Variants in PLCB1 observed in about 807,000 individuals in gnomAD.
The protein encoded by PLCB1 is phospholipase C beta 1.
Under a neutral mutation model 161.8 loss-of-function variants are expected in PLCB1, and 46 were observed. That is an observed-to-expected ratio of 0.28 (90% CI 0.22 to 0.36). PLCB1 has a LOEUF of 0.36. Ranked by LOEUF, PLCB1 falls within the 10% of genes least tolerant of loss-of-function variation. The pLI, the probability that PLCB1 is intolerant of heterozygous loss-of-function variation, is 1.00. For missense variants in PLCB1, 1,016 were observed against 1,472.5 expected, an observed-to-expected ratio of 0.69 and a Z score of 5.07; for synonymous variants, 517 against 503.7, an observed-to-expected ratio of 1.03 and a Z score of -0.35.
intron 31 of PLCB1, among the ~76,000 whole-genome samples, chr20:8,834,991 T>C (rs1986224690): frequency 6.6e-6 from 1 of 152,086 alleles, no homozygotes; most frequent in African/African-American, 2.4e-5. Context: ...GAGGGTAATC[T>C]GCTTTGCTCA....
intron 3 of PLCB1, among the ~76,000 whole-genome samples, chr20:8,543,026 A>G (rs564002247): frequency 6.6e-6 from 1 of 152,288 alleles, no homozygotes; most frequent in Non-Finnish European, 1.5e-5. Context: ...CTCTGCCCTT[A>G]TGTTGGTGAT....
At chr20:8,657,320 C>T (rs377077391) in intron 8 of PLCB1, 36 bp downstream of exon 8, 5 of 1,247,810 alleles carry the variant, frequency 4.0e-6, no homozygotes, top group African/African-American at 2.9e-5. Flanking sequence ...TCTTTTTCAG[C>T]TTGCATTGAT....
chr20:8,289,923 T>C (rs1217871568), intron 2 of PLCB1, among the ~76,000 whole-genome samples: 1 of 152,228 alleles, frequency 6.6e-6, no homozygotes, highest in African/African-American at 2.4e-5. Context: ...ATGGCAGTTA[T>C]AATTTCTCAA....
At chr20:8,509,311 C>G (rs1280567000) in intron 3 of PLCB1, among the ~76,000 whole-genome samples, 1 of 152,148 alleles carries the variant, frequency 6.6e-6, no homozygotes, top group African/African-American at 2.4e-5. Context: ...CAAACACATT[C>G]CACAGGAGAG....
intron 2 of PLCB1, among the ~76,000 whole-genome samples, chr20:8,183,194 G>C (rs147553907): frequency 1.1e-4 from 16 of 152,264 alleles, no homozygotes; most frequent in Non-Finnish European, 1.9e-4. Flanking sequence ...GAAGGAGATT[G>C]GCTATCTTTC....
In PLCB1 at chr20:8,739,292, T is replaced by C; in HGVS notation, c.2240T>C (p.Ile747Thr). 2 of 1,613,862 alleles carry C rather than the reference T, an allele frequency of 1.2e-6. No homozygotes were observed. Among genetic ancestry groups the C allele is most frequent in the Non-Finnish European group, 1.7e-6 (2 of 1,179,684 alleles). ...VVLPTLACLR[I>T]AVYEEGGKFI... ...CTTCCTACTCTGGCCTGTTTGAGAATAGCAGTTTATGAAGAAGGAGGTAAA... is the reference window on the plus strand; with the variant it reads ...CTTCCTACTCTGGCCTGTTTGAGAACAGCAGTTTATGAAGAAGGAGGTAAA... The change falls in exon 21 of 32, where the codon ATA (isoleucine) becomes ACA (threonine). Residue 747 changes from isoleucine to threonine, a missense_variant. Coordinates refer to ENST00000338037, the MANE Select transcript of PLCB1 (RefSeq NM_015192.4).
chr20:8,628,746 C>A (rs775527853), intron 4 of PLCB1: 3 of 212,058 alleles, frequency 1.4e-5, no homozygotes, highest in Non-Finnish European at 2.9e-5. Flanking sequence ...ATGAGCCTGG[C>A]CAACATGGTG....
chr20:8,711,286 G>A (rs1979002407), intron 12 of PLCB1, among the ~76,000 whole-genome samples: 1 of 152,168 alleles, frequency 6.6e-6, no homozygotes, highest in East Asian at 1.9e-4. Context: ...ACCAGGCAAT[G>A]GCCAGCAAAT....
intron 2 of PLCB1, among the ~76,000 whole-genome samples, chr20:8,195,095 GA>G (rs1568585967): frequency 6.6e-6 from 1 of 151,982 alleles, no homozygotes; most frequent in Non-Finnish European, 1.5e-5. Flanking sequence ...GCTTTAAGTA[GA>G]AAGTAGAAAT....
At chr20:8,334,174 A>C (rs575864259) in intron 2 of PLCB1, among the ~76,000 whole-genome samples, 1 of 151,926 alleles carries the variant, frequency 6.6e-6, no homozygotes, top group East Asian at 1.9e-4. Context: ...GCGCCATTGC[A>C]CTCCAGCCTG....
chr20:8,372,752 G>A (rs1459969320), intron 3 of PLCB1, among the ~76,000 whole-genome samples: 1 of 152,106 alleles, frequency 6.6e-6, no homozygotes, highest in Non-Finnish European at 1.5e-5. Context: ...CAACATTTCA[G>A]CCAAATTTCA....
chr20:8,187,787 A>G (rs1352464028), intron 2 of PLCB1, among the ~76,000 whole-genome samples: 8 of 152,158 alleles, frequency 5.3e-5, no homozygotes, highest in Admixed American at 2.6e-4. Context: ...ATAGTAATAC[A>G]GAAAGCATGA....
At chr20:8,307,740 G>A (rs1171495827) in intron 2 of PLCB1, among the ~76,000 whole-genome samples, 1 of 151,912 alleles carries the variant, frequency 6.6e-6, no homozygotes, top group Non-Finnish European at 1.5e-5. Flanking sequence ...GGTCCAACAT[G>A]GTAAAACCCT....
chr20:8,298,607 C>G (rs1329924991), intron 2 of PLCB1, among the ~76,000 whole-genome samples: 1 of 146,684 alleles, frequency 6.8e-6, no homozygotes, highest in Non-Finnish European at 1.5e-5. Flanking sequence ...TTTTTTTTTC[C>G]TCAACATGTA....
At chr20:8,787,760 G>A (rs1361248921) in intron 27 of PLCB1, among the ~76,000 whole-genome samples, 3 of 152,236 alleles carry the variant, frequency 2.0e-5, no homozygotes, top group Non-Finnish European at 2.9e-5. Flanking sequence ...TGCCCCCTTG[G>A]GGCTTGATTT....
intron 9 of PLCB1, among the ~76,000 whole-genome samples, chr20:8,670,988 G>A (rs908072878): frequency 6.6e-6 from 1 of 152,196 alleles, no homozygotes; most frequent in African/African-American, 2.4e-5. Context: ...TTTCCAGTAT[G>A]CTCTGGTATT....
At chr20:8,308,474 G>A (rs552790714) in intron 2 of PLCB1, among the ~76,000 whole-genome samples, 2 of 151,942 alleles carry the variant, frequency 1.3e-5, no homozygotes, top group African/African-American at 2.4e-5. Flanking sequence ...AAAATTAGCT[G>A]GGCACGGTGG....
chr20:8,514,076 G>GA (rs1316276769), intron 3 of PLCB1, among the ~76,000 whole-genome samples: 1 of 150,530 alleles, frequency 6.6e-6, no homozygotes, highest in Non-Finnish European at 1.5e-5. Flanking sequence ...TCATTAAGAA[G>GA]AAAAAAGATG....
At chr20:8,773,114 A>G (rs1252506385) in intron 26 of PLCB1, among the ~76,000 whole-genome samples, 2 of 152,218 alleles carry the variant, frequency 1.3e-5, no homozygotes, top group Non-Finnish European at 2.9e-5. Context: ...ACAAAATCTG[A>G]TTCTAACACC....
Sources: allele counts gnomAD v4.1 joint callset (sites outside exome capture counted in the v4.1 genomes callset), GRCh38; gene constraint gnomAD v4.1.1; transcripts MANE v1.5; gene names NCBI Gene and HGNC (gene_info 2026-07-23, HGNC 2026-07-21).